ALG14: variants seen among roughly 807,000 people sequenced by gnomAD.
ALG14 encodes ALG14 UDP-N-acetylglucosaminyltransferase subunit.
Under a neutral mutation model 22.8 loss-of-function variants are expected in ALG14, and 17 were observed. The observed-to-expected ratio is 0.75, with a 90% confidence interval of 0.51 to 1.12. The LOEUF (loss-of-function observed/expected upper bound fraction) is 1.12, where lower values mean the gene tolerates loss of function less well. Among genes scored for constraint, ALG14 ranks in the 50% most tolerant of loss-of-function variants. ALG14 has a pLI of 0.00. For synonymous variants in ALG14, 89 were observed against 103.7 expected (o/e 0.86, Z 0.86); for missense variants, 288 against 271.8 (o/e 1.06, Z -0.42).
At chr1:94,989,864 C>T (rs1241706236) in intron 3 of ALG14, among the ~76,000 whole-genome samples, 1 of 152,174 alleles carries the variant, frequency 6.6e-6, no homozygotes, top group African/African-American at 2.4e-5. Context: ...AGAACCCTAA[C>T]TAGATGGGAG....
In ALG14 at chr1:94,988,714, T is replaced by C. The variant is rs559524639; in HGVS notation, c.421-5408A>G. ...TTCAATACCAGGAGAAAATAGTAAG[T>C]ATTCAGAGTATTTGGTTCATGAGGT... On this transcript the variant is annotated intron_variant, in intron 3 of 3. Transcript: ENST00000370205. Among the ~76,000 whole-genome samples the C allele has an allele frequency of 2.0e-5, 3 of 152,302 alleles. No individual in the cohort carries two copies. The South Asian group carries it at 6.2e-4, about 32-fold the overall frequency.
Position 95,057,887 on chromosome 1 carries a change from G to A in ALG14, c.288+6979C>T, listed in dbSNP as rs149206348. Among the ~76,000 whole-genome samples the A allele has an allele frequency of 9.9e-5, 15 of 151,926 alleles. 1 individual carries two copies. In the East Asian group the frequency reaches 2.8e-3, roughly 29 times the overall value. On this transcript the variant is annotated intron_variant, in intron 2 of 3. Transcript: ENST00000370205. ...ATCTTTTCTGGAACTCTGACTGCTG[G>A]AAGAGAATGGAATAGTATTTACACA...
chr1:95,018,667 C>G (rs184937044), intron 3 of ALG14, among the ~76,000 whole-genome samples: 8 of 151,446 alleles, frequency 5.3e-5, no homozygotes, highest in Middle Eastern at 6.8e-3. Flanking sequence ...CTGGTTTCCA[C>G]AGAGAGCAGG....
intron 2 of ALG14, among the ~76,000 whole-genome samples, chr1:95,049,331 G>A (rs1674667938): frequency 6.6e-6 from 1 of 152,114 alleles, no homozygotes; most frequent in East Asian, 1.9e-4. Flanking sequence ...TCAGGAGTTC[G>A]CGACCAGTCT....
At chr1:95,031,485 G>A (rs1050651643) in intron 2 of ALG14, among the ~76,000 whole-genome samples, 5 of 152,138 alleles carry the variant, frequency 3.3e-5, no homozygotes, top group East Asian at 1.9e-4. Flanking sequence ...AATCCTATCC[G>A]ATCTTTCTCA....
intron 3 of ALG14, among the ~76,000 whole-genome samples, chr1:95,001,503 T>G (rs1301942563): frequency 6.6e-6 from 1 of 152,172 alleles, no homozygotes; most frequent in Non-Finnish European, 1.5e-5. Flanking sequence ...TTTTTTTAAT[T>G]TTTAATTTTA....
intron 3 of ALG14, among the ~76,000 whole-genome samples, chr1:94,998,050 C>T (rs573159378): frequency 6.6e-6 from 1 of 152,288 alleles, no homozygotes; most frequent in East Asian, 1.9e-4. Flanking sequence ...GAATAAACCC[C>T]TATTTTGTGC....
intron 2 of ALG14, among the ~76,000 whole-genome samples, chr1:95,062,469 G>T (rs1675197660): frequency 6.6e-6 from 1 of 151,914 alleles, no homozygotes; most frequent in Admixed American, 6.6e-5. Context: ...CCTTCAACAG[G>T]CCCCAATGTG....
chr1:94,975,100 G>C lies in ALG14; in HGVS notation c.*7976C>G, dbSNP rs1415941377. ...CAACCATCACCACTGTCGAATTCCA[G>C]AACATTTTCATCACCTCCAAAAGAA... On this transcript the variant is annotated 3_prime_UTR_variant, in exon 4 of 4. Coordinates refer to ENST00000370205, the MANE Select transcript of ALG14 (RefSeq NM_144988.4). The C allele has an allele frequency of 1.3e-5, 2 of 152,232 alleles. No individual in the cohort carries two copies. The highest frequency in any genetic ancestry group is 2.9e-5 in the Non-Finnish European group (2 of 68,072). The allele number at this position is 152,232 out of a possible 1,614,324, so 9.4% of individuals were successfully genotyped here. A position where few individuals can be genotyped will look rare whatever the true frequency, so the allele number is the denominator to read the frequency against.
At chr1:95,043,831 A>T (rs550994900) in intron 2 of ALG14, among the ~76,000 whole-genome samples, 1 of 150,974 alleles carries the variant, frequency 6.6e-6, no homozygotes, top group Admixed American at 6.6e-5. Flanking sequence ...GAGGAAGAAG[A>T]GAGAGAAGGA....
intron 1 of ALG14, chr1:95,066,984 T>A (rs898965782): frequency 1.3e-5 from 2 of 152,272 alleles, no homozygotes; most frequent in Admixed American, 6.5e-5. Flanking sequence ...TCATTATACC[T>A]GCTTTAATAG....
At chr1:95,009,151 C>G (rs987489774) in intron 3 of ALG14, among the ~76,000 whole-genome samples, 4 of 151,724 alleles carry the variant, frequency 2.6e-5, no homozygotes, top group Admixed American at 2.6e-4. Flanking sequence ...GCTTTCAGTT[C>G]TTTTGAGTAT....
intron 2 of ALG14, among the ~76,000 whole-genome samples, chr1:95,038,221 GTAA>G: frequency 6.6e-6 from 1 of 151,868 alleles, no homozygotes; most frequent in South Asian, 2.1e-4. Flanking sequence ...GCTTACGCCT[GTAA>G]TGCCTGTAAT....
intron 2 of ALG14, among the ~76,000 whole-genome samples, chr1:95,064,538 T>G (rs1213160492): frequency 6.6e-6 from 1 of 152,224 alleles, no homozygotes; most frequent in Non-Finnish European, 1.5e-5. Flanking sequence ...ATTGAGATAA[T>G]TACGTCGTTT....
intron 2 of ALG14, among the ~76,000 whole-genome samples, chr1:95,060,228 A>G (rs979413285): frequency 2.0e-5 from 3 of 151,612 alleles, no homozygotes; most frequent in African/African-American, 7.3e-5. Flanking sequence ...ATCTCCCTCA[A>G]CAGCTCATTT....
intron 3 of ALG14, among the ~76,000 whole-genome samples, chr1:95,023,922 G>A (rs1156347258): frequency 1.3e-5 from 2 of 152,156 alleles, no homozygotes; most frequent in Non-Finnish European, 2.9e-5. Context: ...CCTCAAATAT[G>A]TGGAAGCTTT....
intron 2 of ALG14, among the ~76,000 whole-genome samples, chr1:95,027,813 C>G (rs1673869119): frequency 6.6e-6 from 1 of 152,170 alleles, no homozygotes; most frequent in African/African-American, 2.4e-5. Context: ...TTTGGGAGGG[C>G]AATCTGGAAA....
At chr1:95,058,215 A>T (rs1397483961) in intron 2 of ALG14, among the ~76,000 whole-genome samples, 4 of 140,220 alleles carry the variant, frequency 2.9e-5, no homozygotes, top group African/African-American at 1.0e-4. Context: ...GAACCAGGGA[A>T]TCGGAAGTTG....
At chr1:95,059,061 T>A (rs1017219475) in intron 2 of ALG14, among the ~76,000 whole-genome samples, 1 of 151,996 alleles carries the variant, frequency 6.6e-6, no homozygotes, top group Non-Finnish European at 1.5e-5. Context: ...TTGTTTTAAT[T>A]TCCAAGGAAT....
Sources: gnomAD v4.1 joint callset for allele counts (sites outside exome capture counted in the v4.1 genomes callset) on GRCh38, gnomAD v4.1.1 for gene constraint, MANE v1.5 for transcripts, NCBI Gene and HGNC (gene_info 2026-07-23, HGNC 2026-07-21) for gene names.